The following CAPRIN1 variants were observed in gnomAD, a reference collection of about 807,000 sequenced individuals.
The protein encoded by CAPRIN1 is cell cycle associated protein 1, also known as caprin-1.
In CAPRIN1, 29 loss-of-function variants were observed where a neutral mutation model predicts 100.9. The ratio of observed to expected loss-of-function variants is 0.29; its 90% CI spans 0.21 to 0.39. The LOEUF is 0.39. CAPRIN1 is among the 10% of genes least tolerant of loss of function. The pLI is 1.00. For missense variants in CAPRIN1, 795 were observed against 876.7 expected, an observed-to-expected ratio of 0.91 and a Z score of 1.18; for synonymous variants, 338 against 307.5, an observed-to-expected ratio of 1.10 and a Z score of -1.04.
intron 16 of CAPRIN1, 132 bp from the exon 17 acceptor site, chr11:34,097,064 T>C (rs1269126354): frequency 1.5e-6 from 1 of 668,406 alleles, no homozygotes; most frequent in Non-Finnish European, 2.6e-6. Flanking sequence ...TGGATCAAGA[T>C]AGGAAATTGG....
rs1387290914 is a variant in CAPRIN1, at chr11:34,101,173, GGT to G, written c.*1807_*1808del. On this transcript the variant is annotated 3_prime_UTR_variant, in exon 19 of 19. Transcript: ENST00000341394. Reference sequence around the variant, plus strand: ...CTTGACTTTTCTCATGTGTGGTTGTGGTACATCATATTGGAAGGGTTAACCTG... The same window carrying G: ...CTTGACTTTTCTCATGTGTGGTTGTGACATCATATTGGAAGGGTTAACCTG... 6 of 152,314 alleles carry G rather than the reference GGT, an allele frequency of 3.9e-5. No homozygotes were observed. Among genetic ancestry groups the G allele is most frequent in the Admixed American group, 3.9e-4 (6 of 15,258 alleles). The allele number at this position is 152,314 out of a possible 1,614,324, so 9.4% of individuals were successfully genotyped here.
chr11:34,080,902 T>C (rs541338769), intron 7 of CAPRIN1, among the ~76,000 whole-genome samples: 1 of 152,306 alleles, frequency 6.6e-6, no homozygotes, highest in African/African-American at 2.4e-5. Context: ...TAGTTGGAGA[T>C]TAATATAAGG....
rs747116917 is a variant in CAPRIN1 at position 34,096,639 on chromosome 11, G to A, written c.1866G>A (p.Met622Ile). The A allele has an allele frequency of 1.9e-5, 31 of 1,607,992 alleles. No individual in the cohort carries two copies. The highest frequency in any genetic ancestry group is 2.6e-5 in the Non-Finnish European group (31 of 1,174,990). Residue 622 changes from methionine to isoleucine, a missense_variant, in exon 16 of 19, where the codon ATG becomes ATA. Coordinates refer to ENST00000341394, the MANE Select transcript of CAPRIN1 (RefSeq NM_005898.5). ...GCTCCCGTGGTGCTAGAGGCTTGAT[G>A]AATGGATACCGGGGCCCTGCCAATG... ...RGGSRGARGL[M>I]NGYRGPANGF...
chr11:34,061,200 C>CTTT (rs770158492), intron 2 of CAPRIN1, among the ~76,000 whole-genome samples: 80 of 102,812 alleles, frequency 7.8e-4, no homozygotes, highest in Admixed American at 1.0e-3. Flanking sequence ...AGGTAACATC[C>CTTT]TTTTTTTTTT....
Position 34,097,697 on chromosome 11 carries a change from G to T in CAPRIN1, c.2002-1G>T. 1 of 1,614,038 alleles carries T rather than the reference G, an allele frequency of 6.2e-7. No individual in the cohort carries two copies. Among genetic ancestry groups the T allele is most frequent in the South Asian group, 1.1e-5 (1 of 91,080 alleles). On this transcript the variant is annotated splice_acceptor_variant, in intron 17 of 18. Coordinates refer to ENST00000341394, the MANE Select transcript of CAPRIN1 (RefSeq NM_005898.5). LOFTEE classifies it high-confidence loss of function. ...TCAATACTAACTAGCTTGTCTTTTA[G>T]GATGGATATCAGCAGAATTTCAAGC...
chr11:34,097,408 T>A, intron 17 of CAPRIN1, 112 bp downstream of exon 17: 1 of 868,788 alleles, frequency 1.2e-6, no homozygotes. Context: ...CTTTGTGGTG[T>A]CCAAGACACT....
rs1170874524 is a variant in CAPRIN1 at position 34,098,612 on chromosome 11, A to G, written c.2066-691A>G. The stretch of plus-strand genomic sequence containing the variant: ...TACTAGTAGAAACTGGCCAGGAAAA[A>G]GGTACATTTTTCTAAAAATTAATGG... On this transcript the variant is annotated intron_variant, in intron 18 of 18. Transcript: ENST00000341394. 8.1e-6 allele frequency: 8 copies of G among 985,254 alleles called. No individual in the cohort carries two copies. The South Asian group carries it at 2.8e-4, about 35-fold the overall frequency. The allele number at this position is 985,254 out of a possible 1,614,324, so 61.0% of individuals were successfully genotyped here.
At chr11:34,085,355 T>C (rs1201858646) in intron 9 of CAPRIN1, among the ~76,000 whole-genome samples, 1 of 152,214 alleles carries the variant, frequency 6.6e-6, no homozygotes, top group Non-Finnish European at 1.5e-5. Flanking sequence ...TAATAATAGC[T>C]AACATTTCTT....
chr11:34,072,409 C>T (rs1436953574), intron 4 of CAPRIN1, among the ~76,000 whole-genome samples: 1 of 151,914 alleles, frequency 6.6e-6, no homozygotes, highest in African/African-American at 2.4e-5. Context: ...CTAAAGGTCT[C>T]ATTGGTTTAA....
chr11:34,062,363 C>T (rs560880747), intron 2 of CAPRIN1, among the ~76,000 whole-genome samples: 6 of 152,196 alleles, frequency 3.9e-5, no homozygotes, highest in South Asian at 4.2e-4. Context: ...CGGTGGCTCA[C>T]GCCTGTAATC....
intron 1 of CAPRIN1, 92 bp from the exon 2 acceptor site, chr11:34,052,329 G>T: frequency 1.9e-6 from 2 of 1,053,314 alleles, no homozygotes; most frequent in Non-Finnish European, 1.4e-6. Context: ...CGCTCGCTGC[G>T]CGTTTTGTCC....
At chr11:34,098,452 A>T in intron 18 of CAPRIN1, 1 of 985,394 alleles carries the variant, frequency 1.0e-6, no homozygotes, top group African/African-American at 1.7e-5. Flanking sequence ...AATTAGAGCT[A>T]GCATTTCATG....
intron 4 of CAPRIN1, among the ~76,000 whole-genome samples, chr11:34,073,628 C>T (rs1275196110): frequency 2.0e-5 from 3 of 152,058 alleles, no homozygotes; most frequent in African/African-American, 7.2e-5. Context: ...TTCACCATGT[C>T]AGCCAGGCTT....
chr11:34,099,394 G>T lies in CAPRIN1; in HGVS notation c.*27G>T, dbSNP rs1190518310. 3 of 1,561,796 alleles carry T rather than the reference G, an allele frequency of 1.9e-6. No individual in the cohort carries two copies. The highest frequency in any genetic ancestry group is 2.2e-5 in the South Asian group (2 of 89,978). On this transcript the variant is annotated 3_prime_UTR_variant, in exon 19 of 19. Transcript: ENST00000341394. ...CTGATTCACAGGATTATGTTTAATC[G>T]CCAAAAACACACTGGCCAGTGTACC... is the stretch of plus-strand genomic sequence containing the variant.
chr11:34,093,780 T>C (rs1395375554), intron 15 of CAPRIN1, among the ~76,000 whole-genome samples: 2 of 109,190 alleles, frequency 1.8e-5, no homozygotes, highest in Non-Finnish European at 3.8e-5. Flanking sequence ...CAGGCCACCA[T>C]GCCTGGCTAA....
chr11:34,070,842 A>G (rs1850792370), intron 2 of CAPRIN1, among the ~76,000 whole-genome samples: 1 of 151,960 alleles, frequency 6.6e-6, no homozygotes, highest in African/African-American at 2.4e-5. Context: ...AGCTGGGATT[A>G]CAGGCATGCA....
In CAPRIN1 at chr11:34,102,192, T is replaced by A. The variant is rs943716668; in HGVS notation, c.*2825T>A. Among the ~76,000 whole-genome samples, 1 of 152,216 alleles carries A rather than the reference T, an allele frequency of 6.6e-6. No homozygotes were observed. Among genetic ancestry groups the A allele is most frequent in the African/African-American group, 2.4e-5 (1 of 41,462 alleles). ...AAAGGAGACATAGAATGTGTGCTTA[T>A]TCTCAGAAGGTTCATTAACTGAGGT... On this transcript the variant is annotated 3_prime_UTR_variant, in exon 19 of 19. Coordinates refer to ENST00000341394, the MANE Select transcript of CAPRIN1 (RefSeq NM_005898.5).
intron 2 of CAPRIN1, among the ~76,000 whole-genome samples, chr11:34,056,100 A>G (rs1850444311): frequency 6.6e-6 from 1 of 152,226 alleles, no homozygotes; most frequent in African/African-American, 2.4e-5. Flanking sequence ...ATTCCTCTTT[A>G]GAAACCCTTG....
intron 2 of CAPRIN1, chr11:34,055,643 A>T (rs1372613456): frequency 6.6e-6 from 1 of 152,206 alleles, no homozygotes; most frequent in African/African-American, 2.4e-5. Context: ...AAAGTCATAA[A>T]GGAGAAAATA....
Sources: gnomAD v4.1 joint callset for allele counts (sites outside exome capture counted in the v4.1 genomes callset) on GRCh38, gnomAD v4.1.1 for gene constraint, MANE v1.5 for transcripts, NCBI Gene and HGNC (gene_info 2026-07-23, HGNC 2026-07-21) for gene names.